CRTC3: variants seen among roughly 807,000 people sequenced by gnomAD.
CRTC3 encodes CREB regulated transcription coactivator 3.
In CRTC3, 26 loss-of-function variants were observed where a neutral mutation model predicts 74.5. The observed-to-expected ratio is 0.35, with a 90% CI of 0.26 to 0.48. CRTC3 has a LOEUF of 0.48. CRTC3 is among the 20% of genes least tolerant of loss of function. The pLI is 0.99. For synonymous variants in CRTC3, 377 were observed against 325.8 expected, an observed-to-expected ratio of 1.16 and a Z score of -1.69; for missense variants, 760 against 787.3, an observed-to-expected ratio of 0.97 and a Z score of 0.41.
At chr15:90,580,920 T>A (rs762591445) in intron 2 of CRTC3, among the ~76,000 whole-genome samples, 110 of 152,150 alleles carry the variant, frequency 7.2e-4, no homozygotes, top group Middle Eastern at 3.4e-3. Context: ...AAAAAAAAAA[T>A]TTATTTTTGT....
intron 11 of CRTC3, chr15:90,638,160 C>G: frequency 5.0e-6 from 2 of 398,572 alleles, no homozygotes; most frequent in Non-Finnish European, 9.0e-6. Flanking sequence ...CAAAACAAAA[C>G]ATGATTTTCA....
intron 3 of CRTC3, among the ~76,000 whole-genome samples, chr15:90,600,888 A>G (rs986292870): frequency 2.0e-5 from 3 of 152,206 alleles, no homozygotes; most frequent in African/African-American, 7.2e-5. Context: ...GGTGAGTGAT[A>G]AGGAGGCAAC....
rs955476680 is a variant in CRTC3 at position 90,587,139 on chromosome 15, G to A, written c.232-6497G>A. On this transcript the variant is annotated intron_variant, in intron 2 of 14. Coordinates refer to ENST00000268184, the MANE Select transcript of CRTC3 (RefSeq NM_022769.5). ...ATTAGAGGAAGTAATTTCCCCCCTAGGTGACGAAATCTAGTTGCAACTTTT... is the reference window on the plus strand; with the variant it reads ...ATTAGAGGAAGTAATTTCCCCCCTAAGTGACGAAATCTAGTTGCAACTTTT... Among the ~76,000 whole-genome samples the A allele has an allele frequency of 2.6e-5, 4 of 152,196 alleles. No homozygotes were observed. The South Asian group carries it at 8.3e-4, about 31-fold the overall frequency.
Position 90,644,575 on chromosome 15 carries a change from G to T in CRTC3, c.*2435G>T. 4.3e-6 allele frequency: 1 copy of T among 232,892 alleles called. No individual in the cohort carries two copies. 14.4% of individuals were successfully genotyped at this position (232,892 alleles called of 1,614,324 possible). On this transcript the variant is annotated 3_prime_UTR_variant, in exon 15 of 15. Coordinates refer to ENST00000268184, the MANE Select transcript of CRTC3 (RefSeq NM_022769.5). The stretch of plus-strand genomic sequence containing the variant: ...CCTCCGGGGAAGTGATTTATTGGGG[G>T]TGTACACTGGGGGCAATATGGTTTA...
Position 90,537,586 on chromosome 15 carries a change from G to A in CRTC3, c.133-2453G>A, listed in dbSNP as rs533722963. On this transcript the variant is annotated intron_variant, in intron 1 of 14. Coordinates refer to ENST00000268184, the MANE Select transcript of CRTC3 (RefSeq NM_022769.5). ...CTTTTAGTAGAGACAGGGTTTCACC[G>A]TCTTAGCCAGGATGGTCTCGATCTC... Among the ~76,000 whole-genome samples, 150 of 152,236 alleles carry A rather than the reference G, an allele frequency of 9.9e-4. 1 individual carries two copies. The highest frequency in any genetic ancestry group is 6.8e-3 in the Middle Eastern group (2 of 294).
chr15:90,633,981 ATC>A (rs1387522271), intron 11 of CRTC3, among the ~76,000 whole-genome samples: 2 of 148,718 alleles, frequency 1.3e-5, no homozygotes, highest in Non-Finnish European at 3.0e-5. Context: ...ATCATCTTTT[ATC>A]TCTCAGGTTT....
At chr15:90,539,928 T>C (rs915951064) in intron 1 of CRTC3, 111 bp from the exon 2 acceptor site, 7 of 773,658 alleles carry the variant, frequency 9.0e-6, no homozygotes, top group African/African-American at 7.0e-5. Flanking sequence ...CGAGAAGAAA[T>C]TGAAACAAGA....
intron 8 of CRTC3, among the ~76,000 whole-genome samples, chr15:90,618,396 AGTC>A (rs1204653692): frequency 6.6e-6 from 1 of 152,180 alleles, no homozygotes; most frequent in Non-Finnish European, 1.5e-5. Context: ...ATTTGACCTG[AGTC>A]CTCCAAGAGT....
intron 2 of CRTC3, among the ~76,000 whole-genome samples, chr15:90,551,344 T>TG (rs1434932537): frequency 7.4e-6 from 1 of 135,620 alleles, no homozygotes; most frequent in East Asian, 2.1e-4. Context: ...TTTCTGTGCT[T>TG]CTTACTGTCT....
chr15:90,562,072 T>C (rs1363123250), intron 2 of CRTC3, among the ~76,000 whole-genome samples: 1 of 152,214 alleles, frequency 6.6e-6, no homozygotes, highest in Non-Finnish European at 1.5e-5. Context: ...TTTCTGTCTC[T>C]ACCGCCAGCC....
Position 90,643,695 on chromosome 15 carries a change from G to C in CRTC3, c.*1555G>C, listed in dbSNP as rs1347306633. On this transcript the variant is annotated 3_prime_UTR_variant, in exon 15 of 15. Transcript: ENST00000268184. Reference sequence around the variant, plus strand: ...GCCTCCTCTAACTTGGGTGATGCCAGTAGGTTTGAAGGGGGCAGAGCACTG... The same window carrying C: ...GCCTCCTCTAACTTGGGTGATGCCACTAGGTTTGAAGGGGGCAGAGCACTG... 1 of 231,764 alleles carries C rather than the reference G, an allele frequency of 4.3e-6. No individual in the cohort carries two copies. Among genetic ancestry groups the C allele is most frequent in the Non-Finnish European group, 8.5e-6 (1 of 117,252 alleles). 14.4% of individuals were successfully genotyped at this position (231,764 alleles called of 1,614,324 possible). A position where few individuals can be genotyped will look rare whatever the true frequency, so the allele number is the denominator to read the frequency against.
chr15:90,569,811 A>G (rs1476986516), intron 2 of CRTC3, among the ~76,000 whole-genome samples: 1 of 152,042 alleles, frequency 6.6e-6, no homozygotes, highest in Non-Finnish European at 1.5e-5. Context: ...TTTCAAAAAC[A>G]GTTTTGGAAT....
chr15:90,632,582 T>C (rs1411418754), intron 11 of CRTC3, among the ~76,000 whole-genome samples: 2 of 152,202 alleles, frequency 1.3e-5, no homozygotes, highest in Non-Finnish European at 2.9e-5. Flanking sequence ...TGTCAACCAT[T>C]TTAACTAATC....
In CRTC3 at chr15:90,558,373, A is replaced by G. The variant is rs185155784; in HGVS notation, c.231+18236A>G. Among the ~76,000 whole-genome samples, 82 of 152,160 alleles carry G rather than the reference A, an allele frequency of 5.4e-4. 1 individual carries two copies. Among genetic ancestry groups the G allele is most frequent in the African/African-American group, 2.0e-3 (82 of 41,518 alleles). On this transcript the variant is annotated intron_variant, in intron 2 of 14. Coordinates refer to ENST00000268184, the MANE Select transcript of CRTC3 (RefSeq NM_022769.5). ...TGAGCCAGATTATCTCACTCCCCAC[A>G]GTCCTCCAGCGGCTTCCCGTTTCTC... is the stretch of plus-strand genomic sequence containing the variant.
At chr15:90,566,981 G>T (rs1221859269) in intron 2 of CRTC3, among the ~76,000 whole-genome samples, 1 of 152,038 alleles carries the variant, frequency 6.6e-6, no homozygotes, top group Non-Finnish European at 1.5e-5. Flanking sequence ...GAAGTGCTGG[G>T]ATTGCAGGTG....
intron 2 of CRTC3, among the ~76,000 whole-genome samples, chr15:90,547,679 G>A (rs1216937703): frequency 1.3e-5 from 2 of 152,102 alleles, no homozygotes; most frequent in Non-Finnish European, 2.9e-5. Context: ...CATACACTGA[G>A]GGCAGAGAGG....
intron 2 of CRTC3, among the ~76,000 whole-genome samples, chr15:90,559,505 A>G (rs986922499): frequency 6.6e-6 from 1 of 152,210 alleles, no homozygotes; most frequent in African/African-American, 2.4e-5. Context: ...TTACTTATGA[A>G]ATAATTATTC....
chr15:90,635,712 A>G (rs1969209117), intron 11 of CRTC3, among the ~76,000 whole-genome samples: 4 of 151,810 alleles, frequency 2.6e-5, no homozygotes, highest in Admixed American at 2.6e-4. Context: ...CCTAAAGGAC[A>G]CTCTTCCAAT....
intron 2 of CRTC3, among the ~76,000 whole-genome samples, chr15:90,545,714 C>G (rs957442070): frequency 6.6e-6 from 1 of 151,196 alleles, no homozygotes; most frequent in Admixed American, 6.6e-5. Context: ...GTAGCTGGGA[C>G]TACAGGCACC....
Sources: gnomAD v4.1 joint callset for allele counts (sites outside exome capture counted in the v4.1 genomes callset) on GRCh38, gnomAD v4.1.1 for gene constraint, MANE v1.5 for transcripts, NCBI Gene and HGNC (gene_info 2026-07-23, HGNC 2026-07-21) for gene names.